Variants in SNTG1 observed in about 807,000 individuals in gnomAD.
SNTG1 encodes syntrophin gamma 1, also known as gamma-1-syntrophin.
In SNTG1, 39 loss-of-function variants were observed where a neutral mutation model predicts 74.7. That is an observed-to-expected ratio of 0.52 (90% CI 0.40 to 0.68). The LOEUF (loss-of-function observed/expected upper bound fraction) is 0.68, where lower values mean the gene tolerates loss of function less well. SNTG1 is among the 30% of genes least tolerant of loss of function. SNTG1 has a pLI of 0.00. For missense variants in SNTG1, 685 were observed against 609.5 expected (o/e 1.12, Z -1.30); for synonymous variants, 254 against 217.1 (o/e 1.17, Z -1.49).
intron 13 of SNTG1, among the ~76,000 whole-genome samples, chr8:50,628,704 T>C (rs78088410): frequency 0.038 from 5,713 of 152,282 alleles, 176 homozygotes; most frequent in African/African-American, 0.076. Context: ...TCCTTTTTGC[T>C]TTACTCTCTT....
At chr8:50,352,603 C>G (rs897852778) in intron 2 of SNTG1, among the ~76,000 whole-genome samples, 1 of 151,984 alleles carries the variant, frequency 6.6e-6, no homozygotes, top group South Asian at 2.1e-4. Flanking sequence ...GTTAGTCAGG[C>G]TGGTCATGAA....
At chr8:49,960,896 A>T (rs529866080) in intron 1 of SNTG1, among the ~76,000 whole-genome samples, 2 of 152,230 alleles carry the variant, frequency 1.3e-5, no homozygotes, top group South Asian at 4.1e-4. Context: ...TGAATATCTT[A>T]CGTGGATTAA....
chr8:50,461,731 G>GTTTGTTTTGTTTTGT (rs71233497), intron 8 of SNTG1, among the ~76,000 whole-genome samples: 4 of 150,934 alleles, frequency 2.7e-5, no homozygotes, highest in Non-Finnish European at 5.9e-5. Flanking sequence ...TTGTTTGTTT[G>GTTTGTTTTGTTTTGT]TTTGTTTTGT....
At chr8:50,298,552 G>T (rs928841049) in intron 2 of SNTG1, among the ~76,000 whole-genome samples, 1 of 152,126 alleles carries the variant, frequency 6.6e-6, no homozygotes, top group Admixed American at 6.6e-5. Context: ...AGGGGCTGAT[G>T]CACTTATTAT....
chr8:50,710,510 G>A (rs540131153), intron 17 of SNTG1, among the ~76,000 whole-genome samples: 6 of 152,050 alleles, frequency 3.9e-5, no homozygotes, highest in South Asian at 4.1e-4. Flanking sequence ...AAAAGAAAAC[G>A]CTATTGCCAG....
chr8:50,167,210 C>T (rs1320061411), intron 1 of SNTG1, among the ~76,000 whole-genome samples: 34 of 140,946 alleles, frequency 2.4e-4, no homozygotes, highest in African/African-American at 8.9e-4. Flanking sequence ...CAGCATGGCA[C>T]ATGTATACAT....
chr8:50,524,284 T>C (rs2094203117), intron 9 of SNTG1, among the ~76,000 whole-genome samples: 1 of 152,068 alleles, frequency 6.6e-6, no homozygotes, highest in African/African-American at 2.4e-5. Context: ...TTCAAGTTAG[T>C]GTCTCTGTTG....
intron 2 of SNTG1, among the ~76,000 whole-genome samples, chr8:50,393,026 G>A (rs1461309183): frequency 6.6e-6 from 1 of 151,880 alleles, no homozygotes; most frequent in Non-Finnish European, 1.5e-5. Flanking sequence ...TTACATCACA[G>A]TTAGAGACAA....
chr8:50,765,468 G>T (rs1288547296), intron 18 of SNTG1, among the ~76,000 whole-genome samples: 2 of 151,884 alleles, frequency 1.3e-5, no homozygotes, highest in South Asian at 2.1e-4. Flanking sequence ...GGGTCCTGGG[G>T]TCTCTGGGTT....
intron 17 of SNTG1, among the ~76,000 whole-genome samples, chr8:50,744,121 G>T (rs1008293926): frequency 6.6e-6 from 1 of 151,936 alleles, no homozygotes; most frequent in Non-Finnish European, 1.5e-5. Context: ...CTCCTATAAG[G>T]CCCCTTTCCA....
At chr8:50,582,673 T>C (rs939130930) in intron 12 of SNTG1, among the ~76,000 whole-genome samples, 1 of 152,120 alleles carries the variant, frequency 6.6e-6, no homozygotes, top group Admixed American at 6.5e-5. Flanking sequence ...AATTCAAGCA[T>C]AACATATTTT....
chr8:50,557,288 T>A (rs1282035452), intron 12 of SNTG1, among the ~76,000 whole-genome samples: 2 of 151,146 alleles, frequency 1.3e-5, no homozygotes, highest in African/African-American at 2.4e-5. Context: ...CATACAGAGA[T>A]TATAGGATAA....
At chr8:50,791,939 G>A (rs923913935) in intron 18 of SNTG1, among the ~76,000 whole-genome samples, 5 of 151,652 alleles carry the variant, frequency 3.3e-5, no homozygotes, top group Admixed American at 2.6e-4. Flanking sequence ...CAAAATTATG[G>A]TTTGAAATAA....
At chr8:50,156,907 C>G (rs543078949) in intron 1 of SNTG1, among the ~76,000 whole-genome samples, 2 of 152,236 alleles carry the variant, frequency 1.3e-5, no homozygotes, top group East Asian at 3.9e-4. Context: ...ACTGAACTCA[C>G]AAGCACTGTG....
At chr8:50,616,947 G>C (rs1323517963) in intron 13 of SNTG1, among the ~76,000 whole-genome samples, 1 of 152,124 alleles carries the variant, frequency 6.6e-6, no homozygotes, top group Non-Finnish European at 1.5e-5. Flanking sequence ...CCCAACTCAG[G>C]GATGTGGCAT....
At chr8:50,348,792 C>A (rs2091559859) in intron 2 of SNTG1, among the ~76,000 whole-genome samples, 2 of 152,162 alleles carry the variant, frequency 1.3e-5, no homozygotes, top group Non-Finnish European at 2.9e-5. Context: ...GGAATGTAAA[C>A]AGAAAAGGCA....
At chr8:50,392,715 A>T (rs1020546188) in intron 2 of SNTG1, among the ~76,000 whole-genome samples, 16 of 152,184 alleles carry the variant, frequency 1.1e-4, no homozygotes, top group African/African-American at 3.9e-4. Context: ...TAATGTTTTG[A>T]TGAAAAAGAA....
At chr8:50,686,030 T>C (rs970622808) in intron 15 of SNTG1, among the ~76,000 whole-genome samples, 1 of 152,206 alleles carries the variant, frequency 6.6e-6, no homozygotes, top group Non-Finnish European at 1.5e-5. Context: ...TCTAGTTTTG[T>C]AGTAGTAGTC....
At chr8:50,512,983 A>G (rs1256423158) in intron 9 of SNTG1, among the ~76,000 whole-genome samples, 1 of 152,172 alleles carries the variant, frequency 6.6e-6, no homozygotes, top group South Asian at 2.1e-4. Context: ...TTGGAAGAAG[A>G]GAGTCACTCT....
Sources: gnomAD v4.1 joint callset for allele counts (sites outside exome capture counted in the v4.1 genomes callset) on GRCh38, gnomAD v4.1.1 for gene constraint, MANE v1.5 for transcripts, NCBI Gene and HGNC (gene_info 2026-07-23, HGNC 2026-07-21) for gene names.